Variants in PKHD1 observed in about 807,000 individuals in gnomAD.
PKHD1 encodes the protein PKHD1 ciliary IPT domain containing fibrocystin/polyductin, also known as fibrocystin.
PKHD1 carries 291 observed loss-of-function variants against 412.0 expected under a neutral mutation model. The observed-to-expected ratio is 0.71, with a 90% confidence interval of 0.64 to 0.78. PKHD1 has a LOEUF of 0.78. Ranked by LOEUF, PKHD1 falls within the 30% of genes least tolerant of loss-of-function variation. The pLI, the probability that PKHD1 is intolerant of heterozygous loss-of-function variation, is 0.00. For missense variants in PKHD1, 4,825 were observed against 4,950.7 expected, an observed-to-expected ratio of 0.97 and a Z score of 0.76; for synonymous variants, 1,777 against 1,821.5, an observed-to-expected ratio of 0.98 and a Z score of 0.62.
intron 52 of PKHD1, among the ~76,000 whole-genome samples, chr6:51,822,153 C>T (rs756030680): frequency 2.6e-5 from 4 of 152,130 alleles, no homozygotes; most frequent in Admixed American, 6.5e-5. Context: ...AACCTGGCTG[C>T]CACCTTAAAA....
chr6:52,019,107 C>T (rs1800999290), intron 33 of PKHD1, among the ~76,000 whole-genome samples: 1 of 152,116 alleles, frequency 6.6e-6, no homozygotes, highest in South Asian at 2.1e-4. Context: ...GAACAAAGCT[C>T]CACATGAGAT....
chr6:51,972,382 C>T (rs1793798631), intron 35 of PKHD1, among the ~76,000 whole-genome samples: 1 of 152,150 alleles, frequency 6.6e-6, no homozygotes, highest in South Asian at 2.1e-4. Context: ...AAGCTTTCTG[C>T]ATGTATTGCC....
chr6:51,769,522 G>A (rs1030020914), intron 55 of PKHD1, among the ~76,000 whole-genome samples: 56 of 150,776 alleles, frequency 3.7e-4, no homozygotes, highest in Admixed American at 1.3e-3. Flanking sequence ...TATATATTGG[G>A]GTTTTCTTGG....
At chr6:51,755,880 T>TA (rs1445089206) in intron 55 of PKHD1, among the ~76,000 whole-genome samples, 2 of 151,846 alleles carry the variant, frequency 1.3e-5, no homozygotes, top group African/African-American at 2.4e-5. Context: ...AAATAAAACA[T>TA]ATGTCATTTG....
intron 51 of PKHD1, among the ~76,000 whole-genome samples, chr6:51,835,313 A>G (rs1769009760): frequency 6.6e-6 from 1 of 152,188 alleles, no homozygotes; most frequent in Non-Finnish European, 1.5e-5. Flanking sequence ...TGTGTCCTCT[A>G]CAGAATAGGC....
chr6:51,714,815 T>C lies in PKHD1; in HGVS notation c.10156+29570A>G, dbSNP rs932962617. ...TTTGTTCCCAGATCTTCTCAGATCT[T>C]GGGCCCTCTGTTGAAGTTTCAATAC... On this transcript the variant is annotated intron_variant, in intron 60 of 66. Transcript: ENST00000371117. Among the ~76,000 whole-genome samples, 4 of 152,128 alleles carry C rather than the reference T, an allele frequency of 2.6e-5. No homozygotes were observed. The South Asian group carries it at 8.3e-4, about 32-fold the overall frequency.
rs1764300088 is a variant in PKHD1, at chr6:51,809,192, T to G, written c.8303-17819A>C. Among the ~76,000 whole-genome samples, 2 of 152,146 alleles carry G rather than the reference T, an allele frequency of 1.3e-5. 1 individual carries two copies. Among genetic ancestry groups the G allele is most frequent in the South Asian group, 4.1e-4 (2 of 4,828 alleles). ...CAAAAATAGTTTCTTGTATTTCCTT[T>G]TGATTCCTTTATATTTAATATAAGA... On this transcript the variant is annotated intron_variant, in intron 52 of 66. Transcript: ENST00000371117.
At chr6:52,047,320 C>T (rs533476298) in intron 23 of PKHD1, among the ~76,000 whole-genome samples, 2 of 152,278 alleles carry the variant, frequency 1.3e-5, no homozygotes, top group Non-Finnish European at 2.9e-5. Flanking sequence ...TCCTGAGTCA[C>T]CCTATTATAA....
At chr6:51,928,759 GGAGA>G (rs371456732) in intron 37 of PKHD1, among the ~76,000 whole-genome samples, 152 of 152,232 alleles carry the variant, frequency 1.0e-3, no homozygotes, top group African/African-American at 3.6e-3. Flanking sequence ...ATAAGGAGTA[GGAGA>G]GAGTGAAGTC....
intron 25 of PKHD1, among the ~76,000 whole-genome samples, chr6:52,044,432 T>C (rs1426531239): frequency 6.6e-6 from 1 of 152,200 alleles, no homozygotes; most frequent in African/African-American, 2.4e-5. Flanking sequence ...ACTTCAATTT[T>C]ATCTGTACTG....
intron 60 of PKHD1, chr6:51,721,713 G>C (rs1042474517): frequency 1.7e-5 from 23 of 1,323,414 alleles, no homozygotes; most frequent in Non-Finnish European, 2.0e-5. Flanking sequence ...TACGGACAAT[G>C]GTGTCACTGT....
chr6:51,752,985 G>T (rs1343954300), intron 57 of PKHD1, among the ~76,000 whole-genome samples: 2 of 152,134 alleles, frequency 1.3e-5, no homozygotes, highest in African/African-American at 4.8e-5. Flanking sequence ...GAGGTAAAAT[G>T]TGCATATGTG....
intron 63 of PKHD1, among the ~76,000 whole-genome samples, chr6:51,640,858 T>C (rs866648791): frequency 3.5e-4 from 54 of 152,300 alleles, no homozygotes; most frequent in Middle Eastern, 3.4e-3. Flanking sequence ...TCCTTGAGTA[T>C]ATAAATTCAC....
chr6:51,810,111 C>T (rs1764467178), intron 52 of PKHD1, among the ~76,000 whole-genome samples: 1 of 151,878 alleles, frequency 6.6e-6, no homozygotes, highest in African/African-American at 2.4e-5. Flanking sequence ...AGAGAAATTC[C>T]CCTATTTCTG....
At chr6:51,626,933 G>A (rs1767310677) in intron 66 of PKHD1, 64 bp downstream of exon 66, 2 of 1,568,214 alleles carry the variant, frequency 1.3e-6, no homozygotes, top group Admixed American at 3.3e-5. Context: ...CTGAAGGAGA[G>A]GGAGGCTCAG....
chr6:51,958,003 C>T (rs1791401647), intron 36 of PKHD1, among the ~76,000 whole-genome samples: 1 of 152,036 alleles, frequency 6.6e-6, no homozygotes, highest in South Asian at 2.1e-4. Flanking sequence ...CACAGGAATC[C>T]TAGGCCACTC....
intron 35 of PKHD1, among the ~76,000 whole-genome samples, chr6:52,000,926 G>T (rs1289163671): frequency 1.3e-5 from 2 of 152,138 alleles, no homozygotes; most frequent in Non-Finnish European, 2.9e-5. Flanking sequence ...TTGTTCAGAT[G>T]AGTTTAAGCT....
intron 35 of PKHD1, among the ~76,000 whole-genome samples, chr6:51,987,022 C>T (rs1021198502): frequency 2.6e-5 from 4 of 152,126 alleles, no homozygotes; most frequent in Non-Finnish European, 5.9e-5. Context: ...TGGGTACAGA[C>T]GTGTAGAAAT....
chr6:51,772,126 T>C (rs890057335), intron 55 of PKHD1, among the ~76,000 whole-genome samples: 3 of 152,118 alleles, frequency 2.0e-5, no homozygotes, highest in Non-Finnish European at 2.9e-5. Context: ...GACCCATAGA[T>C]AGCTTTTAAT....
Sources: gnomAD v4.1 joint callset for allele counts (sites outside exome capture counted in the v4.1 genomes callset) on GRCh38, gnomAD v4.1.1 for gene constraint, MANE v1.5 for transcripts, NCBI Gene and HGNC (gene_info 2026-07-23, HGNC 2026-07-21) for gene names.